Variants in EIF3CL observed in about 807,000 individuals in gnomAD.
EIF3CL encodes eukaryotic translation initiation factor 3 subunit C-like protein.
For synonymous variants in EIF3CL, 2 were observed against 19.6 expected, an observed-to-expected ratio of 0.10 and a Z score of 2.37; for missense variants, 5 against 56.1, an observed-to-expected ratio of 0.09 and a Z score of 2.91.
the EIF3CL span, among the ~76,000 whole-genome samples, chr16:28,415,740 A>C: frequency 7.6e-6 from 1 of 132,154 alleles, no homozygotes; most frequent in Admixed American, 8.0e-5. Context: ...ACAGAGCGAG[A>C]CTCCGTCTCC....
At chr16:28,416,799 G>A in the EIF3CL span, among the ~76,000 whole-genome samples, 8 of 93,246 alleles carry the variant, frequency 8.6e-5, no homozygotes, top group Middle Eastern at 5.0e-3. Context: ...CCGTCCGGGA[G>A]GTGAGGGGCG....
the EIF3CL span, among the ~76,000 whole-genome samples, chr16:28,417,903 C>T: frequency 5.7e-5 from 7 of 122,384 alleles, no homozygotes; most frequent in South Asian, 2.5e-4. Context: ...ATTAGCCAGG[C>T]GTGGTGGCGC....
intron 15 of EIF3CL, among the ~76,000 whole-genome samples, chr16:28,387,483 T>C (rs1317483747): frequency 2.7e-5 from 4 of 150,230 alleles, no homozygotes; most frequent in Non-Finnish European, 4.4e-5. Flanking sequence ...TCCCAAACAC[T>C]AGCAGGAGTG....
the EIF3CL span, chr16:28,414,787 G>C: frequency 8.8e-6 from 4 of 455,774 alleles, no homozygotes; most frequent in Non-Finnish European, 1.8e-5. Context: ...CCTGGAACCC[G>C]TGGAGGTGAC....
At chr16:28,396,768 CAG>C (rs1305422996) in intron 8 of EIF3CL, among the ~76,000 whole-genome samples, 1 of 23,734 alleles carries the variant, frequency 4.2e-5, no homozygotes, top group African/African-American at 1.0e-4. Flanking sequence ...AGAGGATAAA[CAG>C]AAAGTATAAG....
At chr16:28,417,221 C>T in the EIF3CL span, among the ~76,000 whole-genome samples, 2 of 149,204 alleles carry the variant, frequency 1.3e-5, no homozygotes, top group African/African-American at 5.0e-5. Context: ...CCCGGCGAGC[C>T]GCCCCATCCG....
At chr16:28,415,428 G>A in the EIF3CL span, among the ~76,000 whole-genome samples, 1 of 137,094 alleles carries the variant, frequency 7.3e-6, no homozygotes, top group South Asian at 2.2e-4. Context: ...CAGCAATGAT[G>A]TTCTAAAAAG....
chr16:28,424,143 A>G, the EIF3CL span, among the ~76,000 whole-genome samples: 1 of 144,530 alleles, frequency 6.9e-6, no homozygotes, highest in Non-Finnish European at 1.5e-5. Flanking sequence ...ACCCGCCACC[A>G]CACCCAGCTA....
At chr16:28,386,706 T>C (rs1253463629) in intron 15 of EIF3CL, among the ~76,000 whole-genome samples, 1 of 57,034 alleles carries the variant, frequency 1.8e-5, no homozygotes, top group African/African-American at 7.2e-5. Flanking sequence ...TGAGCCAAGA[T>C]TGCACCACTG....
chr16:28,417,211 C>A, the EIF3CL span, among the ~76,000 whole-genome samples: 9 of 148,876 alleles, frequency 6.0e-5, no homozygotes, highest in Admixed American at 6.0e-4. Flanking sequence ...AGCCCCCCTG[C>A]CCGGCGAGCC....
At chr16:28,416,786 G>T in the EIF3CL span, among the ~76,000 whole-genome samples, 1 of 91,724 alleles carries the variant, frequency 1.1e-5, no homozygotes, top group South Asian at 3.1e-4. Flanking sequence ...CCGGCCAGCC[G>T]CCCCGTCCGG....
At chr16:28,416,856 G>T in the EIF3CL span, among the ~76,000 whole-genome samples, 3 of 80,292 alleles carry the variant, frequency 3.7e-5, no homozygotes, top group Non-Finnish European at 8.2e-5. Context: ...CCCTCTGCCC[G>T]GCCAGCCGCC....
chr16:28,403,043 A>G (rs1240066195), intron 2 of EIF3CL, among the ~76,000 whole-genome samples: 1 of 142,106 alleles, frequency 7.0e-6, no homozygotes, highest in Non-Finnish European at 1.6e-5. Context: ...ATTAATGTAC[A>G]GAAATGGCGG....
chr16:28,423,665 C>T, the EIF3CL span, among the ~76,000 whole-genome samples: 1 of 32,084 alleles, frequency 3.1e-5, no homozygotes, highest in African/African-American at 1.0e-4. Flanking sequence ...CTCAGGCAAT[C>T]TACCCGCCTC....
At chr16:28,425,517 C>A in the EIF3CL span, among the ~76,000 whole-genome samples, 1 of 105,180 alleles carries the variant, frequency 9.5e-6, no homozygotes, top group African/African-American at 4.0e-5. Context: ...GTCTGATTAA[C>A]TCGATGCCAC....
chr16:28,414,959 G>A, the EIF3CL span: 10 of 498,364 alleles, frequency 2.0e-5, 2 homozygotes, highest in Non-Finnish European at 3.6e-5. Flanking sequence ...GAGAGGAGGA[G>A]TGTTCAGGGA....
the EIF3CL span, among the ~76,000 whole-genome samples, chr16:28,416,772 CCACCCGG>C: frequency 8.8e-6 from 1 of 113,052 alleles, no homozygotes; most frequent in Non-Finnish European, 2.0e-5. Context: ...GTCAGCCCCC[CCACCCGG>C]CCAGCCGCCC....
Position 28,402,975 on chromosome 16 carries a change from GA to G in EIF3CL, c.101+542del, listed in dbSNP as rs929614943. 2.2e-4 allele frequency among the ~76,000 whole-genome samples: 14 copies of G among 62,348 alleles called. 1 individual carries two copies. The highest frequency in any genetic ancestry group is 4.9e-4 in the African/African-American group (9 of 18,208). 40.9% of individuals were successfully genotyped at this position (62,348 alleles called of 152,430 possible). A position where few individuals can be genotyped will look rare whatever the true frequency, so the allele number is the denominator to read the frequency against. ...AGTGAGCTATGACCCCTCAAAAAAA[GA>G]AAAAAAAAAGGAAAAAGAAAAACCA... On this transcript the variant is annotated intron_variant, in intron 2 of 20. Coordinates refer to ENST00000380876, the MANE Select transcript of EIF3CL (RefSeq NM_001317857.2).
At chr16:28,417,596 G>C in the EIF3CL span, among the ~76,000 whole-genome samples, 19 of 104,016 alleles carry the variant, frequency 1.8e-4, no homozygotes, top group Non-Finnish European at 1.6e-4. Context: ...GATGTGCTTT[G>C]TTAAACAGAT....
Sources: allele counts gnomAD v4.1 joint callset (sites outside exome capture counted in the v4.1 genomes callset), GRCh38; gene constraint gnomAD v4.1.1; transcripts MANE v1.5; gene names NCBI Gene and HGNC (gene_info 2026-07-23, HGNC 2026-07-21).